NAALADL2: variants seen among roughly 807,000 people sequenced by gnomAD.
NAALADL2 encodes the protein inactive N-acetylated-alpha-linked acidic dipeptidase-like protein 2.
In NAALADL2, 76 loss-of-function variants were observed where a neutral mutation model predicts 87.2. That is an observed-to-expected ratio of 0.87 (90% CI 0.72 to 1.05). NAALADL2 has a LOEUF of 1.05. Ranked by LOEUF, NAALADL2 falls within the 50% of genes least tolerant of loss-of-function variation. NAALADL2 has a pLI of 0.00. For missense variants in NAALADL2, 1,089 were observed against 945.8 expected, an observed-to-expected ratio of 1.15 and a Z score of -1.99; for synonymous variants, 354 against 331.0, an observed-to-expected ratio of 1.07 and a Z score of -0.75.
chr3:174,957,037 G>A (rs769016101), intron 1 of NAALADL2, among the ~76,000 whole-genome samples: 2 of 151,732 alleles, frequency 1.3e-5, no homozygotes, highest in African/African-American at 4.8e-5. Flanking sequence ...TCTGCTGTGG[G>A]TCTCCCTGTT....
chr3:174,636,630 C>T (rs917018307), intron 2 of NAALADL2, among the ~76,000 whole-genome samples: 6 of 151,930 alleles, frequency 3.9e-5, no homozygotes, highest in Admixed American at 1.3e-4. Context: ...GTTAGAATGG[C>T]TAGTATTAAA....
chr3:174,767,682 G>C (rs961778157), intron 3 of NAALADL2, among the ~76,000 whole-genome samples: 2 of 152,206 alleles, frequency 1.3e-5, no homozygotes, highest in Non-Finnish European at 2.9e-5. Flanking sequence ...ACATGTTCAT[G>C]TAAATGAACT....
intron 9 of NAALADL2, among the ~76,000 whole-genome samples, chr3:175,534,973 C>CA: frequency 6.6e-6 from 1 of 151,970 alleles, no homozygotes; most frequent in South Asian, 2.1e-4. Context: ...CAGAAGTCCT[C>CA]AGGGTCAAAA....
chr3:174,753,529 G>C (rs1711549065), intron 3 of NAALADL2, among the ~76,000 whole-genome samples: 1 of 152,140 alleles, frequency 6.6e-6, no homozygotes, highest in Admixed American at 6.5e-5. Context: ...TGGGATATAG[G>C]CCAATATTGC....
At chr3:174,508,393 G>A (rs956226271) in intron 1 of NAALADL2, among the ~76,000 whole-genome samples, 1 of 152,128 alleles carries the variant, frequency 6.6e-6, no homozygotes, top group Non-Finnish European at 1.5e-5. Flanking sequence ...GAATAGAGGC[G>A]TGTGCCACCG....
chr3:174,842,774 C>T (rs1288783426), intron 3 of NAALADL2, among the ~76,000 whole-genome samples: 1 of 151,810 alleles, frequency 6.6e-6, no homozygotes, highest in Non-Finnish European at 1.5e-5. Context: ...TACCTACACA[C>T]CTGTTTTTGT....
chr3:175,200,749 A>T (rs1282709841), intron 2 of NAALADL2, among the ~76,000 whole-genome samples: 1 of 152,014 alleles, frequency 6.6e-6, no homozygotes, highest in African/African-American at 2.4e-5. Context: ...TACCCAAGTT[A>T]CTAAAGAGAG....
intron 1 of NAALADL2, among the ~76,000 whole-genome samples, chr3:174,861,419 TGACCAAAG>T (rs1014113527): frequency 6.6e-6 from 1 of 152,206 alleles, no homozygotes; most frequent in Admixed American, 6.6e-5. Flanking sequence ...AGTTTCAAAA[TGACCAAAG>T]TGAATGAAAA....
chr3:175,636,985 C>T (rs1037756347), intron 11 of NAALADL2, among the ~76,000 whole-genome samples: 20 of 152,196 alleles, frequency 1.3e-4, no homozygotes, highest in African/African-American at 4.3e-4. Context: ...TTTAATTCAT[C>T]ACCCAAGAAC....
At chr3:174,742,091 T>G (rs1733819426) in intron 3 of NAALADL2, among the ~76,000 whole-genome samples, 1 of 151,736 alleles carries the variant, frequency 6.6e-6, no homozygotes, top group Non-Finnish European at 1.5e-5. Context: ...TCACTCTTAT[T>G]TCTCTCTTTC....
intron 1 of NAALADL2, among the ~76,000 whole-genome samples, chr3:174,495,736 A>G (rs564476554): frequency 2.0e-4 from 23 of 116,036 alleles, no homozygotes; most frequent in Non-Finnish European, 3.5e-4. Context: ...AGTACTTAAT[A>G]GACTTCTTGG....
intron 3 of NAALADL2, among the ~76,000 whole-genome samples, chr3:175,248,583 TTC>T (rs978122349): frequency 2.0e-5 from 3 of 152,174 alleles, no homozygotes; most frequent in African/African-American, 7.2e-5. Context: ...CAGCATTAAT[TTC>T]TCTGTTTGGA....
At chr3:175,378,028 G>C (rs972107444) in intron 5 of NAALADL2, among the ~76,000 whole-genome samples, 10 of 150,872 alleles carry the variant, frequency 6.6e-5, no homozygotes, top group Non-Finnish European at 5.9e-5. Context: ...CATGAGTGCA[G>C]ATAAAAGAGG....
At chr3:175,202,971 C>T (rs374312460) in intron 2 of NAALADL2, among the ~76,000 whole-genome samples, 11 of 152,126 alleles carry the variant, frequency 7.2e-5, no homozygotes, top group South Asian at 6.2e-4. Context: ...CACCTTCCCC[C>T]GCCCAAACCC....
At chr3:174,852,354 A>C (rs1454108926) in intron 3 of NAALADL2, among the ~76,000 whole-genome samples, 1 of 152,320 alleles carries the variant, frequency 6.6e-6, no homozygotes, top group African/African-American at 2.4e-5. Context: ...TAGAACTGAT[A>C]AACAAATTTA....
chr3:175,181,703 A>ATATGTG lies in NAALADL2; in HGVS notation c.546-52227_546-52226insATGTGT, dbSNP rs1227887005. The stretch of plus-strand genomic sequence containing the variant: ...CATATATATATATATATATATATAT[A>ATATGTG]TGTGTGTGTGTGTGTATATATATGT... On this transcript the variant is annotated intron_variant, in intron 2 of 13. Transcript: ENST00000454872. Among the ~76,000 whole-genome samples the ATATGTG allele has an allele frequency of 1.0e-4, 11 of 106,842 alleles. 2 individuals are homozygous for ATATGTG. The highest frequency in any genetic ancestry group is 2.7e-4 in the African/African-American group (7 of 25,808). 70.1% of individuals were successfully genotyped at this position (106,842 alleles called of 152,430 possible).
chr3:175,055,047 T>C (rs1580216126), intron 1 of NAALADL2, among the ~76,000 whole-genome samples: 1 of 152,338 alleles, frequency 6.6e-6, no homozygotes, highest in East Asian at 1.9e-4. Context: ...TAGCCAGTGC[T>C]GTAGAGAAAT....
intron 1 of NAALADL2, among the ~76,000 whole-genome samples, chr3:175,049,890 T>C (rs115568856): frequency 0.023 from 3,491 of 152,314 alleles, 53 homozygotes; most frequent in Non-Finnish European, 0.034. Flanking sequence ...AGTTCTCAAA[T>C]GTTGTTTTGT....
At chr3:174,846,717 T>C (rs1404475089) in intron 3 of NAALADL2, among the ~76,000 whole-genome samples, 1 of 151,982 alleles carries the variant, frequency 6.6e-6, no homozygotes, top group Non-Finnish European at 1.5e-5. Flanking sequence ...TACAGAGGAG[T>C]TAAATGAGTT....
Sources: allele counts gnomAD v4.1 joint callset (sites outside exome capture counted in the v4.1 genomes callset), GRCh38; gene constraint gnomAD v4.1.1; transcripts MANE v1.5; gene names NCBI Gene and HGNC (gene_info 2026-07-23, HGNC 2026-07-21).